Variants in TRIM37 observed in about 807,000 individuals in gnomAD.
TRIM37 encodes the protein E3 ubiquitin-protein ligase TRIM37.
In TRIM37, 80 loss-of-function variants were observed where a neutral mutation model predicts 129.8. The ratio of observed to expected loss-of-function variants is 0.62; its 90% CI spans 0.51 to 0.74. The LOEUF (loss-of-function observed/expected upper bound fraction) is 0.74. Among genes scored for constraint, TRIM37 ranks in the 30% least tolerant of loss-of-function variants. TRIM37 has a pLI of 0.00. For synonymous variants in TRIM37, 389 were observed against 387.1 expected, an observed-to-expected ratio of 1.00 and a Z score of -0.06; for missense variants, 1,054 against 1,176.5, an observed-to-expected ratio of 0.90 and a Z score of 1.52.
At chr17:59,088,142 C>G (rs1029971663) in intron 4 of TRIM37, 149 bp downstream of exon 4, 1 of 645,744 alleles carries the variant, frequency 1.5e-6, no homozygotes, top group South Asian at 1.8e-5. Flanking sequence ...TGTTACTTAA[C>G]AGTAACAGCG....
intron 19 of TRIM37, among the ~76,000 whole-genome samples, chr17:59,022,948 CTTG>C (rs1394310646): frequency 6.6e-6 from 1 of 152,108 alleles, no homozygotes; most frequent in Non-Finnish European, 1.5e-5. Flanking sequence ...ACAGCACAGG[CTTG>C]TTGTACTGTA....
At chr17:58,993,004 C>T (rs2032601309) in intron 24 of TRIM37, among the ~76,000 whole-genome samples, 1 of 152,198 alleles carries the variant, frequency 6.6e-6, no homozygotes, top group Non-Finnish European at 1.5e-5. Flanking sequence ...ACCCAAATCT[C>T]ATCTTGAATT....
At chr17:59,016,677 G>A (rs990283232) in intron 20 of TRIM37, among the ~76,000 whole-genome samples, 1 of 150,604 alleles carries the variant, frequency 6.6e-6, no homozygotes, top group African/African-American at 2.4e-5. Context: ...CAGCTACTTG[G>A]GAGGCTGAGG....
chr17:59,091,585 ATATAT>A (rs1217876144), intron 2 of TRIM37, among the ~76,000 whole-genome samples: 1 of 116,580 alleles, frequency 8.6e-6, no homozygotes, highest in Non-Finnish European at 1.7e-5. Flanking sequence ...ATAATGTATA[ATATAT>A]TATACATTAT....
At chr17:59,093,014 G>A (rs1960824150) in intron 2 of TRIM37, among the ~76,000 whole-genome samples, 1 of 152,096 alleles carries the variant, frequency 6.6e-6, no homozygotes. Context: ...GCCAGGTGTG[G>A]TGGCATGAGC....
rs568715226 is a variant in TRIM37, at chr17:59,035,602, T to C, written c.1754-3512A>G. 4.6e-5 allele frequency among the ~76,000 whole-genome samples: 7 copies of C among 151,676 alleles called. No homozygotes were observed. In the East Asian group the frequency reaches 1.4e-3, roughly 30 times the overall value. On this transcript the variant is annotated intron_variant, in intron 17 of 23. Transcript: ENST00000262294. ...CCGTCTCTACTAAAAATACAAAAAT[T>C]AGCTGGCCGTGGTGGAGGGCACCTG...
chr17:59,070,874 C>T lies in TRIM37; in HGVS notation c.758G>A (p.Arg253Gln), dbSNP rs757431303. The change falls in exon 9 of 24, where the codon CGG (arginine) becomes CAG (glutamine). Residue 253 changes from arginine to glutamine, a missense_variant. Physicochemically the swap from Arg to Gln is conservative, Grantham distance 43. Transcript: ENST00000262294. ...GGTAACAAAAGATGCCATGGGCTTC[C>T]GATGAACTTGCTGAAACATCATAAG... is the stretch of plus-strand genomic sequence containing the variant. Reference protein sequence around the residue: ...EILMMFQQVHRKPMASFVTTP... With the variant: ...EILMMFQQVHQKPMASFVTTP... 14 of 1,613,934 alleles carry T rather than the reference C, an allele frequency of 8.7e-6. No homozygotes were observed. The highest frequency in any genetic ancestry group is 2.2e-5 in the East Asian group (1 of 44,864).
Position 58,998,376 on chromosome 17 carries a change from A to G in TRIM37, c.*1001T>C, listed in dbSNP as rs2033222528. 5.1e-6 allele frequency: 5 copies of G among 985,300 alleles called. No individual in the cohort carries two copies. The highest frequency in any genetic ancestry group is 3.6e-6 in the Non-Finnish European group (3 of 829,918). The allele number at this position is 985,300 out of a possible 1,614,324, so 61.0% of individuals were successfully genotyped here. ...ATATTTAATTATTCATGCTTTTTCA[A>G]TAGTCTCTTAGTCAACTTTCAGTGT... is the stretch of plus-strand genomic sequence containing the variant. On this transcript the variant is annotated 3_prime_UTR_variant, in exon 24 of 24. Transcript: ENST00000262294.
At chr17:59,034,992 C>A (rs780026168) in intron 17 of TRIM37, among the ~76,000 whole-genome samples, 2 of 152,042 alleles carry the variant, frequency 1.3e-5, no homozygotes, top group African/African-American at 2.4e-5. Context: ...CTTCTTTGGT[C>A]AACATTATTC....
chr17:59,051,582 C>T (rs1413727617), intron 13 of TRIM37, among the ~76,000 whole-genome samples: 1 of 152,148 alleles, frequency 6.6e-6, no homozygotes, highest in Admixed American at 6.5e-5. Context: ...AACTAACCTA[C>T]TCAGGCATAT....
intron 17 of TRIM37, among the ~76,000 whole-genome samples, chr17:59,034,245 G>C (rs117745849): frequency 0.022 from 3,389 of 152,146 alleles, 49 homozygotes; most frequent in South Asian, 0.036. Flanking sequence ...CTTTAAAAAT[G>C]TAAGTTGCTC....
At chr17:59,071,043 GAAAAAAATGAT>G in intron 8 of TRIM37, 96 bp from the exon 9 acceptor site, 1 of 1,386,076 alleles carries the variant, frequency 7.2e-7, no homozygotes, top group Non-Finnish European at 9.9e-7. Context: ...ATTATAAACT[GAAAAAAATGAT>G]AAAAATAACT....
At chr17:59,005,826 TGTAAA>T (rs2034411905) in intron 22 of TRIM37, among the ~76,000 whole-genome samples, 1 of 152,236 alleles carries the variant, frequency 6.6e-6, no homozygotes, top group African/African-American at 2.4e-5. Context: ...GTATACCATG[TGTAAA>T]CTCATTATTA....
chr17:58,988,104 A>G lies in TRIM37; in HGVS notation c.2892-5183T>C, dbSNP rs116745863. Among the ~76,000 whole-genome samples the G allele has an allele frequency of 2.4e-3, 366 of 152,356 alleles. 1 individual carries two copies. The highest frequency in any genetic ancestry group is 8.5e-3 in the African/African-American group (354 of 41,570). On this transcript the variant is annotated intron_variant, in intron 24 of 24. Coordinates refer to the TRIM37 transcript ENST00000393066. ...GAGAAGACATTAGCACTAGTTTCGT[A>G]GGGTCGTTGTAAACAGACACTGGAA... is the stretch of plus-strand genomic sequence containing the variant.
At chr17:59,053,279 A>ATT (rs2040523018) in intron 13 of TRIM37, among the ~76,000 whole-genome samples, 3 of 152,222 alleles carry the variant, frequency 2.0e-5, no homozygotes, top group African/African-American at 7.2e-5. Context: ...GAAAAGCCTT[A>ATT]AATAACTTTC....
chr17:59,104,556 A>T, intron 1 of TRIM37, 162 bp from the exon 2 acceptor site: 3 of 777,268 alleles, frequency 3.9e-6, no homozygotes, highest in South Asian at 1.4e-5. Context: ...GAGTACCTCA[A>T]AACATCTGGA....
chr17:59,091,569 A>ATATATATATAATGTATAATAT (rs2044358098), intron 2 of TRIM37, among the ~76,000 whole-genome samples: 1 of 3,408 alleles, frequency 2.9e-4, no homozygotes, highest in South Asian at 5.6e-3. Context: ...TATATATATA[A>ATATATATATAATGTATAATAT]TATATATAAT....
chr17:59,095,808 T>C (rs2044798539), intron 2 of TRIM37, among the ~76,000 whole-genome samples: 1 of 152,170 alleles, frequency 6.6e-6, no homozygotes, highest in Non-Finnish European at 1.5e-5. Context: ...AGCCTCAACC[T>C]CTTCATCTCA....
In TRIM37 at chr17:59,029,668, G is replaced by A. The variant is rs114878031; in HGVS notation, c.1949-945C>T. ...TCCCAGCACACTTTGGGAGGCCGAGGCAGGTGGATCACTTGAGCTCAGGAG... is the reference window on the plus strand; with the variant it reads ...TCCCAGCACACTTTGGGAGGCCGAGACAGGTGGATCACTTGAGCTCAGGAG... On this transcript the variant is annotated intron_variant, in intron 18 of 23. Transcript: ENST00000262294. Among the ~76,000 whole-genome samples, 877 of 152,310 alleles carry A rather than the reference G, an allele frequency of 5.8e-3. 13 individuals carry two copies. Among genetic ancestry groups the A allele is most frequent in the African/African-American group, 0.02 (847 of 41,568 alleles).
Sources: allele counts gnomAD v4.1 joint callset (sites outside exome capture counted in the v4.1 genomes callset), GRCh38; gene constraint gnomAD v4.1.1; transcripts MANE v1.5; gene names NCBI Gene and HGNC (gene_info 2026-07-23, HGNC 2026-07-21).